The following EBF1 variants were observed in gnomAD, a reference collection of about 807,000 sequenced individuals.
EBF1 encodes the protein transcription factor COE1.
In EBF1, 10 loss-of-function variants were observed where a neutral mutation model predicts 68.4. That is an observed-to-expected ratio of 0.15 (90% CI 0.09 to 0.25). The LOEUF is 0.25. Ranked by LOEUF, EBF1 falls within the 10% of genes least tolerant of loss-of-function variation. The pLI is 1.00. For missense variants in EBF1, 509 were observed against 794.4 expected (o/e 0.64, Z 4.32); for synonymous variants, 298 against 299.8 (o/e 0.99, Z 0.06).
chr5:158,829,697 C>T (rs1209856570), intron 7 of EBF1, among the ~76,000 whole-genome samples: 12 of 152,156 alleles, frequency 7.9e-5, no homozygotes, highest in Non-Finnish European at 1.5e-5. Flanking sequence ...CTACCCTCAA[C>T]CCCCTATAGT....
At chr5:158,990,091 C>T (rs1348662567) in intron 6 of EBF1, among the ~76,000 whole-genome samples, 1 of 152,206 alleles carries the variant, frequency 6.6e-6, no homozygotes, top group African/African-American at 2.4e-5. Flanking sequence ...AAATGTGAAC[C>T]TCCTGCGGCA....
At chr5:158,839,871 C>G (rs1363587893) in intron 7 of EBF1, among the ~76,000 whole-genome samples, 158 bp downstream of exon 7, 4 of 152,318 alleles carry the variant, frequency 2.6e-5, no homozygotes, top group Admixed American at 1.3e-4. Context: ...CTTCTCTAAT[C>G]TAAACAACTG....
At chr5:158,702,110 G>A (rs1481350262) in intron 15 of EBF1, among the ~76,000 whole-genome samples, 3 of 152,160 alleles carry the variant, frequency 2.0e-5, no homozygotes, top group Non-Finnish European at 2.9e-5. Context: ...GAACCCTTGC[G>A]GTTGAGTAAA....
At chr5:158,891,538 T>C (rs990561745) in intron 6 of EBF1, among the ~76,000 whole-genome samples, 3 of 152,236 alleles carry the variant, frequency 2.0e-5, no homozygotes, top group Non-Finnish European at 2.9e-5. Context: ...GAGCCATCAC[T>C]TTCCCAGGTC....
chr5:158,813,447 T>G (rs1783098034), intron 8 of EBF1, among the ~76,000 whole-genome samples: 1 of 152,132 alleles, frequency 6.6e-6, no homozygotes, highest in Non-Finnish European at 1.5e-5. Context: ...TAAGGCACAA[T>G]GGCTATGTAT....
intron 7 of EBF1, among the ~76,000 whole-genome samples, chr5:158,830,126 T>C (rs1787189675): frequency 6.6e-6 from 1 of 152,178 alleles, no homozygotes; most frequent in Non-Finnish European, 1.5e-5. Flanking sequence ...TCCAGATTTG[T>C]CCAACACCTC....
At position 158,924,778 on chromosome 5, in the gene EBF1, A is replaced by G. The variant is rs540904324; in HGVS notation, c.555-84668T>C. On this transcript the variant is annotated intron_variant, in intron 6 of 15. Transcript: ENST00000313708. ...TGAGGCAGGAGAATGGCGTGAACCC[A>G]GGAGGCGCAGCTTGTGGTGAGCCGA... is the stretch of plus-strand genomic sequence containing the variant. 1.4e-3 allele frequency among the ~76,000 whole-genome samples: 200 copies of G among 142,216 alleles called. 1 individual carries two copies. Among genetic ancestry groups the G allele is most frequent in the African/African-American group, 4.6e-3 (174 of 37,808 alleles). The allele number at this position is 142,216 out of a possible 152,430, so 93.3% of individuals were successfully genotyped here. A position where few individuals can be genotyped will look rare whatever the true frequency, so the allele number is the denominator to read the frequency against.
Position 158,721,903 on chromosome 5 carries a change from C to CT in EBF1, c.1126-7722dup, listed in dbSNP as rs879649056. Among the ~76,000 whole-genome samples, 939 of 145,474 alleles carry CT rather than the reference C, an allele frequency of 6.5e-3. 5 individuals carry two copies. Among genetic ancestry groups the CT allele is most frequent in the African/African-American group, 0.015 (596 of 39,858 alleles). ...AGTTATGACAATGGCTTTCCCCTCC[C>CT]TTTTTTTTTTTTATTTGGTCTCCTG... On this transcript the variant is annotated intron_variant, in intron 11 of 15. Coordinates refer to ENST00000313708, the MANE Select transcript of EBF1 (RefSeq NM_024007.5).
At chr5:158,741,788 A>T (rs954525283) in intron 10 of EBF1, among the ~76,000 whole-genome samples, 1 of 152,234 alleles carries the variant, frequency 6.6e-6, no homozygotes, top group Non-Finnish European at 1.5e-5. Context: ...TTAAATGCTA[A>T]GTGCCACAAT....
At chr5:158,787,292 G>A (rs1376200976) in intron 9 of EBF1, among the ~76,000 whole-genome samples, 1 of 151,898 alleles carries the variant, frequency 6.6e-6, no homozygotes, top group African/African-American at 2.4e-5. Context: ...TTGCTTTTTC[G>A]GCTTTCCATT....
At chr5:158,858,666 A>C (rs1003791745) in intron 6 of EBF1, among the ~76,000 whole-genome samples, 2 of 152,166 alleles carry the variant, frequency 1.3e-5, no homozygotes, top group African/African-American at 4.8e-5. Context: ...TATGTTGCAA[A>C]ATATCAAGTT....
chr5:158,874,972 C>T (rs531325266), intron 6 of EBF1, among the ~76,000 whole-genome samples: 11 of 151,736 alleles, frequency 7.2e-5, no homozygotes, highest in African/African-American at 2.2e-4. Flanking sequence ...CCATGCACAA[C>T]TAGCATGAAT....
At chr5:158,759,177 AAAG>A (rs1356056912) in intron 10 of EBF1, among the ~76,000 whole-genome samples, 4 of 152,210 alleles carry the variant, frequency 2.6e-5, no homozygotes. Context: ...CTATGTGGAT[AAAG>A]AAGGAGGGGT....
chr5:158,860,585 G>A (rs1257794099), intron 6 of EBF1, among the ~76,000 whole-genome samples: 5 of 152,146 alleles, frequency 3.3e-5, no homozygotes, highest in African/African-American at 1.2e-4. Context: ...GTTCTCTTCA[G>A]TGCCACTGAG....
At chr5:158,842,413 C>G (rs1265355529) in intron 6 of EBF1, among the ~76,000 whole-genome samples, 1 of 152,238 alleles carries the variant, frequency 6.6e-6, no homozygotes, top group East Asian at 1.9e-4. Flanking sequence ...TATTTCAAAG[C>G]TACTTCAAGC....
rs1434424161 is a variant in EBF1 at position 158,697,721 on chromosome 5, T to C, written c.*1390A>G. On this transcript the variant is annotated 3_prime_UTR_variant, in exon 16 of 16. Coordinates refer to ENST00000313708, the MANE Select transcript of EBF1 (RefSeq NM_024007.5). ...GAAAAAATGTCTTAAGACATTAAAA[T>C]GTATAAATAGAACAACAACTTTGGC... The C allele has an allele frequency of 4.8e-6, 1 of 208,078 alleles. No homozygotes were observed. The highest frequency in any genetic ancestry group is 9.8e-6 in the Non-Finnish European group (1 of 102,276). 12.9% of individuals were successfully genotyped at this position (208,078 alleles called of 1,614,324 possible). A position where few individuals can be genotyped will look rare whatever the true frequency, so the allele number is the denominator to read the frequency against.
intron 9 of EBF1, among the ~76,000 whole-genome samples, chr5:158,787,644 G>A (rs1777725114): frequency 6.6e-6 from 1 of 152,106 alleles, no homozygotes; most frequent in South Asian, 2.1e-4. Flanking sequence ...AATCAGCTGT[G>A]GGACCTTTGG....
At chr5:158,812,105 A>G (rs916676056) in intron 8 of EBF1, among the ~76,000 whole-genome samples, 12 of 152,318 alleles carry the variant, frequency 7.9e-5, no homozygotes, top group Non-Finnish European at 1.6e-4. Context: ...TCTACGTCAT[A>G]ATGCTAACAA....
In EBF1 at chr5:158,839,141, TTG is replaced by T. The variant is rs1268310367; in HGVS notation, c.636+886_636+887del. ...GTGTCTTAGAAGTAAATGAATTTGT[TTG>T]TGAGTCCTCTTCCTTTAGTAAATGT... On this transcript the variant is annotated intron_variant, in intron 7 of 15. Transcript: ENST00000313708. Among the ~76,000 whole-genome samples the T allele has an allele frequency of 2.0e-5, 3 of 152,340 alleles. No homozygotes were observed. In the East Asian group the frequency reaches 5.8e-4, roughly 29 times the overall value.
Sources: gnomAD v4.1 joint callset for allele counts (sites outside exome capture counted in the v4.1 genomes callset) on GRCh38, gnomAD v4.1.1 for gene constraint, MANE v1.5 for transcripts, NCBI Gene and HGNC (gene_info 2026-07-23, HGNC 2026-07-21) for gene names.